The following RNF135 variants were observed in gnomAD, a reference collection of about 807,000 sequenced individuals.
RNF135 encodes E3 ubiquitin-protein ligase RNF135.
Under a neutral mutation model 41.9 loss-of-function variants are expected in RNF135, and 46 were observed. That is an observed-to-expected ratio of 1.10 (90% confidence interval 0.87 to 1.40). RNF135 has a LOEUF of 1.40. Among genes scored for constraint, RNF135 ranks in the 40% most tolerant of loss-of-function variants. The probability of loss-of-function intolerance (pLI) is 0.00; values close to 1 mark genes in which losing one functional copy is unlikely to be tolerated. For missense variants in RNF135, 539 were observed against 549.8 expected, an observed-to-expected ratio of 0.98 and a Z score of 0.20; for synonymous variants, 238 against 223.8, an observed-to-expected ratio of 1.06 and a Z score of -0.57.
At chr17:30,987,832 C>A in intron 2 of RNF135, 112 bp from the exon 3 acceptor site, 1 of 1,121,674 alleles carries the variant, frequency 8.9e-7, no homozygotes, top group Non-Finnish European at 1.3e-6. Flanking sequence ...TTTTTAAAAA[C>A]TTGCTGGGAA....
At chr17:30,966,943 C>T (rs577644414), upstream of RNF135, among the ~76,000 whole-genome samples, 2 of 152,248 alleles carry the variant, frequency 1.3e-5, no homozygotes, top group African/African-American at 4.8e-5. Flanking sequence ...TCTATTTATA[C>T]ATGTGAACAA....
In RNF135 at chr17:30,971,311, G is replaced by T. The variant is rs1159675211; in HGVS notation, c.238G>T (p.Asp80Tyr). 4.6e-6 allele frequency: 7 copies of T among 1,533,902 alleles called. No individual in the cohort carries two copies. The highest frequency in any genetic ancestry group is 5.2e-6 in the Non-Finnish European group (6 of 1,143,630). Residue 80 changes from aspartate to tyrosine, a missense_variant, in exon 1 of 5, where the codon GAC (aspartate) becomes TAC (tyrosine). Physicochemically the swap from Asp to Tyr is radical, Grantham distance 160. Transcript: ENST00000328381. Reference protein sequence around the residue: ...PHLRKNTLLQDLADKYRRAAR... With the variant: ...PHLRKNTLLQYLADKYRRAAR... ...CCTGCGGAAGAACACGCTACTGCAG[G>T]ACCTGGCCGACAAGTACCGCCGCGC...
chr17:30,987,742 C>G (rs1907690656), intron 2 of RNF135, among the ~76,000 whole-genome samples: 1 of 145,482 alleles, frequency 6.9e-6, no homozygotes, highest in East Asian at 1.9e-4. Flanking sequence ...AATAACCACT[C>G]TTTGATATTT....
chr17:30,999,314 A>G lies in RNF135; in HGVS notation c.*123A>G, dbSNP rs1040307159. The G allele has an allele frequency of 4.1e-5, 45 of 1,104,968 alleles. No individual in the cohort carries two copies. Among genetic ancestry groups the G allele is most frequent in the Middle Eastern group, 5.7e-4 (2 of 3,522 alleles). The allele number at this position is 1,104,968 out of a possible 1,614,324, so 68.4% of individuals were successfully genotyped here. On this transcript the variant is annotated 3_prime_UTR_variant, in exon 5 of 5. Transcript: ENST00000328381. ...ATTACGATAGAGATGGGATCTCACT[A>G]GGTTGCCCAGGCTGGTGTCGAATTC...
At chr17:30,983,135 A>G (rs184019993) in intron 1 of RNF135, among the ~76,000 whole-genome samples, 25 of 151,644 alleles carry the variant, frequency 1.6e-4, no homozygotes, top group Admixed American at 5.9e-4. Flanking sequence ...TTGTATGTAT[A>G]TGCCACTTTT....
In RNF135 at chr17:30,988,049, C is replaced by T. The variant is rs1423251078; in HGVS notation, c.622C>T (p.Gln208Ter). Residue 208 changes from glutamine to a stop codon, truncating the protein, a stop_gained, in exon 3 of 5, where the codon CAG becomes TAG. Coordinates refer to ENST00000328381, the MANE Select transcript of RNF135 (RefSeq NM_032322.4). LOFTEE classifies it high-confidence loss of function. ...TATTCTCCATGACCTAGAAGAAATT[C>T]AGGAAAAATTACAAGAAAGCGTCAC... is the stretch of plus-strand genomic sequence containing the variant. ...RDILHDLEEIQEKLQESVTWK... is the reference protein window; with the variant it reads ...RDILHDLEEI 11 of 1,614,016 alleles carry T rather than the reference C, an allele frequency of 6.8e-6. No individual in the cohort carries two copies. Among genetic ancestry groups the T allele is most frequent in the Non-Finnish European group, 8.5e-6 (10 of 1,179,982 alleles).
At chr17:30,966,489 T>G (rs1443366741), upstream of RNF135, among the ~76,000 whole-genome samples, 1 of 145,978 alleles carries the variant, frequency 6.9e-6, no homozygotes, top group Admixed American at 6.6e-5. Flanking sequence ...GTAACACAAG[T>G]GTTTCAAATT....
rs1392037597 is a variant in RNF135, at chr17:30,988,121, T to G, written c.679+15T>G. 6.2e-7 allele frequency: 1 copy of G among 1,613,112 alleles called. No individual in the cohort carries two copies. The highest frequency in any genetic ancestry group is 1.1e-5 in the South Asian group (1 of 91,026). ...ACAAATGCAGGGTGAGCTGATCTTATTTATTGGAGGAGGATTAAATATGGA... is the reference window on the plus strand; with the variant it reads ...ACAAATGCAGGGTGAGCTGATCTTAGTTATTGGAGGAGGATTAAATATGGA... On this transcript the variant is annotated intron_variant, in intron 3 of 4. Coordinates refer to ENST00000328381, the MANE Select transcript of RNF135 (RefSeq NM_032322.4).
intron 1 of RNF135, among the ~76,000 whole-genome samples, chr17:30,974,010 G>A (rs1664081626): frequency 6.6e-6 from 1 of 152,032 alleles, no homozygotes; most frequent in South Asian, 2.1e-4. Flanking sequence ...GGAGGCCAAA[G>A]TTTCATCTAG....
At position 30,971,062 on chromosome 17, in the gene RNF135, C is replaced by T. The variant is rs954731561; in HGVS notation, c.-12C>T. 14 of 1,533,902 alleles carry T rather than the reference C, an allele frequency of 9.1e-6. No individual in the cohort carries two copies. Among genetic ancestry groups the T allele is most frequent in the African/African-American group, 2.7e-5 (2 of 72,970 alleles). On this transcript the variant is annotated 5_prime_UTR_variant, in exon 1 of 5. Transcript: ENST00000328381. The stretch of plus-strand genomic sequence containing the variant: ...TCAACCCCGACGTCCGCGCCCCGGC[C>T]GCCTGTTGGCCATGGCGGGCCTGGG...
chr17:30,976,162 C>T (rs988573053), intron 1 of RNF135, among the ~76,000 whole-genome samples: 1 of 152,164 alleles, frequency 6.6e-6, no homozygotes, highest in Non-Finnish European at 1.5e-5. Context: ...CACGCCACCA[C>T]ACCTGGCTAA....
intron 3 of RNF135, among the ~76,000 whole-genome samples, chr17:30,991,242 A>C (rs987884879): frequency 2.6e-5 from 4 of 151,946 alleles, no homozygotes; most frequent in Non-Finnish European, 5.9e-5. Context: ...GGGTGCCCGT[A>C]ATCCCAGTTA....
At chr17:30,971,640 T>G (rs913964502) in intron 1 of RNF135, 195 bp downstream of exon 1, 32 of 1,351,190 alleles carry the variant, frequency 2.4e-5, no homozygotes, top group Admixed American at 3.9e-5. Context: ...AAAAACAAAT[T>G]CCCCATCTTC....
At chr17:30,980,497 G>T (rs1907027585) in intron 1 of RNF135, among the ~76,000 whole-genome samples, 5 of 131,404 alleles carry the variant, frequency 3.8e-5, no homozygotes, top group Admixed American at 2.9e-4. Flanking sequence ...GCCGGGCGGG[G>T]GGCTGACCCC....
intron 3 of RNF135, among the ~76,000 whole-genome samples, chr17:30,988,910 T>TC (rs1307310602): frequency 4.8e-5 from 7 of 146,260 alleles, no homozygotes; most frequent in African/African-American, 1.8e-4. Flanking sequence ...GTTTTTTTTT[T>TC]CTTTTCTTTC....
intron 3 of RNF135, among the ~76,000 whole-genome samples, chr17:30,988,616 C>T (rs1907765033): frequency 6.6e-6 from 1 of 151,294 alleles, no homozygotes; most frequent in South Asian, 2.1e-4. Context: ...TTGATAGAGA[C>T]GGGGTTTCAC....
chr17:30,973,314 G>A (rs561905766), intron 1 of RNF135: 15 of 152,106 alleles, frequency 9.9e-5, no homozygotes, highest in East Asian at 3.9e-4. Context: ...CATTCTAAGC[G>A]TTGTCACTTT....
In RNF135 at chr17:30,971,352, G is replaced by C; in HGVS notation, c.279G>C (p.Gln93His). Reference protein sequence around the residue: ...DKYRRAAREIQAGSDPAHCPC... With the variant: ...DKYRRAAREIHAGSDPAHCPC... ...ACCGCCGCGCCGCACGCGAGATACA[G>C]GCGGGCTCCGACCCTGCCCACTGCC... Residue 93 changes from glutamine (Q) to histidine (H), a missense_variant, in exon 1 of 5, where the codon CAG (glutamine) becomes CAC (histidine). Around this residue, in one of 2 missense-constraint regions of RNF135, gnomAD observed 277 missense variants for 212.8 expected, o/e 1.30. Transcript: ENST00000328381. 1.3e-6 allele frequency: 2 copies of C among 1,531,398 alleles called. No individual in the cohort carries two copies. The highest frequency in any genetic ancestry group is 1.2e-5 in the South Asian group (1 of 83,192). The allele number at this position is 1,531,398 out of a possible 1,614,324, so 94.9% of individuals were successfully genotyped here.
intron 1 of RNF135, chr17:30,971,790 C>A: frequency 3.1e-6 from 3 of 978,026 alleles, no homozygotes; most frequent in East Asian, 6.8e-5. Context: ...TAACCTTTTT[C>A]TTTATTTCTT....
Sources: allele counts gnomAD v4.1 joint callset (sites outside exome capture counted in the v4.1 genomes callset), GRCh38; gene constraint gnomAD v4.1.1; regional missense constraint gnomAD v4.1.1; transcripts MANE v1.5; gene names NCBI Gene and HGNC (gene_info 2026-07-23, HGNC 2026-07-21).